CCDC178: variants seen among roughly 807,000 people sequenced by gnomAD.
The protein encoded by CCDC178 is coiled-coil domain containing 178.
Under a neutral mutation model 117.4 loss-of-function variants are expected in CCDC178, and 126 were observed. The ratio of observed to expected loss-of-function variants is 1.07; its 90% CI spans 0.93 to 1.24. The LOEUF (loss-of-function observed/expected upper bound fraction) is 1.24, where lower values mean the gene tolerates loss of function less well. Ranked by LOEUF, CCDC178 falls within the 50% of genes most tolerant of loss-of-function variation. CCDC178 has a pLI of 0.00. For synonymous variants in CCDC178, 283 were observed against 313.4 expected, an observed-to-expected ratio of 0.90 and a Z score of 1.02; for missense variants, 1,030 against 986.9, an observed-to-expected ratio of 1.04 and a Z score of -0.59.
Position 33,266,914 on chromosome 18 carries a change from AC to A in CCDC178, c.1409+1del, listed in dbSNP as rs772122505. On this transcript the variant is annotated splice_donor_variant, in intron 14 of 22. Coordinates refer to ENST00000383096, the MANE Select transcript of CCDC178 (RefSeq NM_001105528.4). LOFTEE classifies it high-confidence loss of function. The stretch of plus-strand genomic sequence containing the variant: ...TAAGAAGAAAAGTATTTGCAAATTT[AC>A]CTTTCATTGGTTTTTACTGTTATTT... The A allele has an allele frequency of 3.2e-6, 5 of 1,559,320 alleles. No individual in the cohort carries two copies. In the South Asian group the frequency reaches 4.8e-5, roughly 15 times the overall value.
intron 10 of CCDC178, among the ~76,000 whole-genome samples, chr18:33,332,291 G>A (rs2062679927): frequency 6.6e-6 from 1 of 152,060 alleles, no homozygotes; most frequent in African/African-American, 2.4e-5. Context: ...TGGAACTGTT[G>A]AGGGGAACAC....
chr18:33,032,612 A>G (rs1041671920), intron 21 of CCDC178, among the ~76,000 whole-genome samples: 1 of 152,090 alleles, frequency 6.6e-6, no homozygotes, highest in Non-Finnish European at 1.5e-5. Context: ...GGGACGCTAT[A>G]TAGGCAGCTG....
chr18:33,349,283 T>C (rs1761141184), intron 7 of CCDC178, among the ~76,000 whole-genome samples: 1 of 151,962 alleles, frequency 6.6e-6, no homozygotes, highest in Non-Finnish European at 1.5e-5. Flanking sequence ...AAGGGTATTC[T>C]GTGAGAATAA....
intron 21 of CCDC178, among the ~76,000 whole-genome samples, chr18:33,056,098 G>A (rs1438713634): frequency 5.3e-5 from 8 of 152,080 alleles, no homozygotes; most frequent in Non-Finnish European, 1.5e-5. Context: ...CACTGCACCT[G>A]GCCTCAATGG....
At chr18:33,087,996 G>T (rs1048835542) in intron 21 of CCDC178, among the ~76,000 whole-genome samples, 27 of 152,054 alleles carry the variant, frequency 1.8e-4, no homozygotes, top group Non-Finnish European at 1.2e-4. Flanking sequence ...ATATAGAAAT[G>T]TTGTCCAATG....
At chr18:33,132,858 A>T (rs186932277) in intron 20 of CCDC178, among the ~76,000 whole-genome samples, 28 of 151,924 alleles carry the variant, frequency 1.8e-4, no homozygotes, top group African/African-American at 6.3e-4. Flanking sequence ...ATTTATAATG[A>T]TGATGTAATA....
chr18:33,038,533 C>T (rs191110344), intron 21 of CCDC178, among the ~76,000 whole-genome samples: 2 of 152,040 alleles, frequency 1.3e-5, no homozygotes, highest in Admixed American at 6.6e-5. Context: ...TTCCAAGTGA[C>T]CTCCTGTTGT....
chr18:33,190,137 T>C (rs143782368), intron 20 of CCDC178, among the ~76,000 whole-genome samples: 1 of 152,334 alleles, frequency 6.6e-6, no homozygotes, highest in Non-Finnish European at 1.5e-5. Flanking sequence ...ATGGTTCTAC[T>C]TCAGTGGCTG....
intron 5 of CCDC178, among the ~76,000 whole-genome samples, chr18:33,379,532 C>T (rs1176540222): frequency 6.6e-6 from 1 of 152,080 alleles, no homozygotes; most frequent in Non-Finnish European, 1.5e-5. Context: ...GGCAGGTCCA[C>T]CTATAGGTCC....
chr18:33,234,806 C>A (rs1044001515), intron 15 of CCDC178, among the ~76,000 whole-genome samples: 1 of 151,916 alleles, frequency 6.6e-6, no homozygotes, highest in African/African-American at 2.4e-5. Context: ...ACATGTGGGA[C>A]AAGAGTAATA....
intron 2 of CCDC178, among the ~76,000 whole-genome samples, chr18:33,418,638 G>A (rs1459481174): frequency 6.6e-6 from 1 of 151,136 alleles, no homozygotes; most frequent in African/African-American, 2.4e-5. Context: ...AAGAATTTCA[G>A]CAAAGTTTCA....
At chr18:33,300,540 T>C (rs1055111699) in intron 11 of CCDC178, among the ~76,000 whole-genome samples, 1 of 152,164 alleles carries the variant, frequency 6.6e-6, no homozygotes, top group Non-Finnish European at 1.5e-5. Flanking sequence ...AAAATACTGA[T>C]AGAAACGTTG....
chr18:33,271,986 A>G (rs1195250959), intron 12 of CCDC178, among the ~76,000 whole-genome samples: 3 of 151,510 alleles, frequency 2.0e-5, no homozygotes, highest in Non-Finnish European at 4.4e-5. Context: ...ACCTAACTTT[A>G]CATCTAAAAG....
At chr18:33,111,842 A>G (rs569659291) in intron 20 of CCDC178, among the ~76,000 whole-genome samples, 3 of 151,780 alleles carry the variant, frequency 2.0e-5, no homozygotes, top group Non-Finnish European at 4.4e-5. Context: ...ATCAAGAAAT[A>G]TTATTAAGAT....
At chr18:33,196,725 C>T (rs2058935191) in intron 20 of CCDC178, among the ~76,000 whole-genome samples, 1 of 152,056 alleles carries the variant, frequency 6.6e-6, no homozygotes, top group South Asian at 2.1e-4. Flanking sequence ...CATTTTATTA[C>T]CTCATAACTT....
chr18:33,427,249 T>G (rs1303755277), intron 2 of CCDC178, among the ~76,000 whole-genome samples: 1 of 152,070 alleles, frequency 6.6e-6, no homozygotes, highest in Non-Finnish European at 1.5e-5. Context: ...GACTATTATT[T>G]TAACTTAAGT....
intron 21 of CCDC178, among the ~76,000 whole-genome samples, chr18:33,043,140 C>T (rs2056579790): frequency 6.6e-6 from 1 of 151,912 alleles, no homozygotes; most frequent in Non-Finnish European, 1.5e-5. Flanking sequence ...TATAAATATG[C>T]ATGTAGATTT....
At chr18:33,326,474 C>T (rs1166743472) in intron 10 of CCDC178, among the ~76,000 whole-genome samples, 1 of 152,138 alleles carries the variant, frequency 6.6e-6, no homozygotes, top group African/African-American at 2.4e-5. Context: ...AAATATGTGC[C>T]TTGGCTACTC....
At position 33,267,268 on chromosome 18, in the gene CCDC178, T is replaced by G. The variant is rs949509155; in HGVS notation, c.1206A>C (p.Gln402His). 1 of 1,605,568 alleles carries G rather than the reference T, an allele frequency of 6.2e-7. No individual in the cohort carries two copies. The highest frequency in any genetic ancestry group is 8.5e-7 in the Non-Finnish European group (1 of 1,176,972). Residue 402 changes from glutamine (Q) to histidine (H), a missense_variant, in exon 13 of 23, where the codon CAA becomes CAC. Physicochemically the swap from Gln to His is conservative, Grantham distance 24. Coordinates refer to ENST00000383096, the MANE Select transcript of CCDC178 (RefSeq NM_001105528.4). ...CATGACTTTTTTGCTTCCAGGTTAGTTGGTCATAAACTCTTCTCAAATCTT... is the reference window on the plus strand; with the variant it reads ...CATGACTTTTTTGCTTCCAGGTTAGGTGGTCATAAACTCTTCTCAAATCTT... Reference protein sequence around the residue: ...MLEDLRRVYDQLTWKQKSHEN... With the variant: ...MLEDLRRVYDHLTWKQKSHEN...
Sources: allele counts gnomAD v4.1 joint callset (sites outside exome capture counted in the v4.1 genomes callset), GRCh38; gene constraint gnomAD v4.1.1; transcripts MANE v1.5; gene names NCBI Gene and HGNC (gene_info 2026-07-23, HGNC 2026-07-21).